The following TIAM1 variants were observed in gnomAD, a reference collection of about 807,000 sequenced individuals.
The protein encoded by TIAM1 is TIAM Rac1 associated GEF 1, also known as rho guanine nucleotide exchange factor TIAM1.
A neutral mutation model predicts 163.5 loss-of-function variants in TIAM1; 65 were observed. The observed-to-expected ratio is 0.40, with a 90% CI of 0.33 to 0.49. The LOEUF (loss-of-function observed/expected upper bound fraction) is 0.49. TIAM1 is among the 20% of genes least tolerant of loss of function. The probability of loss-of-function intolerance (pLI) is 0.77; values close to 1 mark genes in which losing one functional copy is unlikely to be tolerated. For synonymous variants in TIAM1, 833 were observed against 810.1 expected (o/e 1.03, Z -0.48); for missense variants, 1,789 against 2,044.7 (o/e 0.87, Z 2.41).
intron 15 of TIAM1, among the ~76,000 whole-genome samples, chr21:31,172,375 A>G (rs2084555198): frequency 1.3e-5 from 2 of 152,190 alleles, no homozygotes; most frequent in Non-Finnish European, 2.9e-5. Context: ...GCTACTCACA[A>G]TAGTAGTAGG....
At chr21:31,223,202 GC>G (rs546879140) in intron 8 of TIAM1, among the ~76,000 whole-genome samples, 13 of 146,510 alleles carry the variant, frequency 8.9e-5, no homozygotes, top group Non-Finnish European at 1.8e-4. Flanking sequence ...AATAGCTTAG[GC>G]CCCCCCATCA....
upstream of TIAM1, among the ~76,000 whole-genome samples, chr21:31,347,088 T>C (rs2076160695): frequency 6.6e-6 from 1 of 152,150 alleles, no homozygotes; most frequent in Admixed American, 6.5e-5. Flanking sequence ...TTAAACCAAA[T>C]AGTCCCCACC....
chr21:31,130,563 G>GA (rs1436374716), intron 24 of TIAM1, among the ~76,000 whole-genome samples: 1 of 152,100 alleles, frequency 6.6e-6, no homozygotes, highest in Non-Finnish European at 1.5e-5. Flanking sequence ...GAGAAGAGGA[G>GA]AAAAAGGATC....
At position 31,395,349 on chromosome 21, in the gene TIAM1, C is replaced by T. The variant is rs1039037042; in HGVS notation, c.-368-55927G>A. 1.3e-5 allele frequency among the ~76,000 whole-genome samples: 2 copies of T among 151,268 alleles called. No homozygotes were observed. The highest frequency in any genetic ancestry group is 4.8e-5 in the African/African-American group (2 of 41,326). ...TAGAGAAGTGACAAATGGCCCCACACACAGATCACTGCTTGCCTCCAGAGA... is the reference window on the plus strand; with the variant it reads ...TAGAGAAGTGACAAATGGCCCCACATACAGATCACTGCTTGCCTCCAGAGA... On this transcript the variant is annotated intron_variant, in intron 2 of 28. Transcript: ENST00000286827. This position sits in a 1 kb window ranked among gnomAD's most constrained non-coding sequence, Gnocchi z 7.5.
At chr21:31,356,604 C>T (rs944109658) in intron 2 of TIAM1, among the ~76,000 whole-genome samples, 8 of 152,224 alleles carry the variant, frequency 5.3e-5, no homozygotes, top group African/African-American at 1.9e-4. Context: ...TGTGTAAGGA[C>T]ATAGCCACAA....
At chr21:31,485,621 G>T (rs1237289934) in intron 1 of TIAM1, among the ~76,000 whole-genome samples, 1 of 152,056 alleles carries the variant, frequency 6.6e-6, no homozygotes, top group Non-Finnish European at 1.5e-5. Context: ...ACCTCAATAA[G>T]CTCTCACATC....
At position 31,141,334 on chromosome 21, in the gene TIAM1, G is replaced by A; in HGVS notation, c.3646C>T (p.His1216Tyr). ...LTDAESEEHY[H>Y]LDVAIKTMNK... is the part of the protein sequence containing the mutation. ...CCAGGCCGAGGCCTACCGTCCAGGT[G>A]GTAGTGCTCCTCGCTCTCCGCATCG... The change falls in exon 21 of 28, where the codon CAC becomes TAC. Residue 1216 changes from histidine to tyrosine, a missense_variant. Around this residue, in one of 5 missense-constraint regions of TIAM1, gnomAD observed 60 missense variants for 132.6 expected, o/e 0.45. Coordinates refer to ENST00000541036, the MANE Select transcript of TIAM1 (RefSeq NM_001353694.2). The surrounding 1 kb of genome is among the most constrained non-coding windows in gnomAD (Gnocchi z 4.7). The A allele has an allele frequency of 6.2e-7, 1 of 1,614,138 alleles. No homozygotes were observed. The highest frequency in any genetic ancestry group is 8.5e-7 in the Non-Finnish European group (1 of 1,180,006).
rs563558988 is a variant in TIAM1, at chr21:31,494,106, G to A, written c.-421-30071C>T. 3.9e-5 allele frequency among the ~76,000 whole-genome samples: 6 copies of A among 152,224 alleles called. No individual in the cohort carries two copies. In the South Asian group the frequency reaches 1.2e-3, roughly 32 times the overall value. On this transcript the variant is annotated intron_variant, in intron 1 of 28. Transcript: ENST00000286827. Reference sequence around the variant, plus strand: ...ATTTTTGTATTTTTATAGAGACAGGGTTTTGCCATGTTAGCCAGGCTGGTC... The same window carrying A: ...ATTTTTGTATTTTTATAGAGACAGGATTTTGCCATGTTAGCCAGGCTGGTC...
Position 31,362,141 on chromosome 21 carries a change from C to T in TIAM1, c.-368-22719G>A, listed in dbSNP as rs147916812. The stretch of plus-strand genomic sequence containing the variant: ...TGCCACTGTACTACAGCTTGGGTGA[C>T]GGAGCTGTCACCCTATCCCTTTTAA... On this transcript the variant is annotated intron_variant, in intron 2 of 28. Coordinates refer to the TIAM1 transcript ENST00000286827. 3.9e-3 allele frequency among the ~76,000 whole-genome samples: 593 copies of T among 151,728 alleles called. 10 individuals are homozygous for T. The South Asian group carries it at 0.044, about 11-fold the overall frequency.
intron 12 of TIAM1, among the ~76,000 whole-genome samples, chr21:31,196,782 C>G (rs2085880540): frequency 6.6e-6 from 1 of 152,138 alleles, no homozygotes; most frequent in Non-Finnish European, 1.5e-5. Flanking sequence ...ACCAAAAAGA[C>G]ACGTGCACTG....
chr21:31,344,815 A>C (rs555597754), upstream of TIAM1, among the ~76,000 whole-genome samples: 1 of 152,382 alleles, frequency 6.6e-6, no homozygotes, highest in East Asian at 1.9e-4. Context: ...TAGCATAAAA[A>C]AATTAAAATT....
intron 13 of TIAM1, 58 bp downstream of exon 13, chr21:31,195,166 G>T: frequency 1.5e-6 from 2 of 1,377,856 alleles, no homozygotes; most frequent in Non-Finnish European, 2.1e-6. Context: ...GTAAATAAAT[G>T]CATGCTTACA....
In TIAM1 at chr21:31,314,627, T is replaced by TG. The variant is rs1447881112; in HGVS notation, c.-189+24615_-189+24616insC. 3.3e-5 allele frequency among the ~76,000 whole-genome samples: 5 copies of TG among 152,272 alleles called. No individual in the cohort carries two copies. The East Asian group carries it at 9.6e-4, about 29-fold the overall frequency. Reference sequence around the variant, plus strand: ...CTATTCCAATATATTTTTTTAGAAATATTGGCTGCAAACCACTAAAATTAT... The same window carrying TG: ...CTATTCCAATATATTTTTTTAGAAATGATTGGCTGCAAACCACTAAAATTAT... On this transcript the variant is annotated intron_variant, in intron 2 of 27. Transcript: ENST00000541036.
intron 2 of TIAM1, among the ~76,000 whole-genome samples, chr21:31,336,341 C>T (rs1450573128): frequency 2.0e-5 from 3 of 152,106 alleles, no homozygotes; most frequent in African/African-American, 7.2e-5. Context: ...GCTTAAACTC[C>T]CTCCGGGGGG....
In TIAM1 at chr21:31,245,651, A is replaced by T; in HGVS notation, c.1421T>A (p.Leu474Gln). The T allele has an allele frequency of 6.3e-7, 1 of 1,578,258 alleles. No individual in the cohort carries two copies. The highest frequency in any genetic ancestry group is 1.2e-5 in the South Asian group (1 of 84,988). Reference protein sequence around the residue: ...HYWVSLKGCTLFFYESDGRSG... With the variant: ...HYWVSLKGCTQFFYESDGRSG... Reference sequence around the variant, plus strand: ...CCTGCCGTCGCTCTCGTAGAAAAATAGCGTGCATCCTGAGGAAACAGAACA... The same window carrying T: ...CCTGCCGTCGCTCTCGTAGAAAAATTGCGTGCATCCTGAGGAAACAGAACA... The change falls in exon 6 of 28, where the codon CTA becomes CAA. Residue 474 changes from leucine (L) to glutamine (Q), a missense_variant. This residue lies in a region of TIAM1 where 456 missense variants were observed against 586.6 expected (regional missense o/e 0.78). Transcript: ENST00000541036.
At chr21:31,349,822 G>A (rs1250173846) in intron 2 of TIAM1, among the ~76,000 whole-genome samples, 1 of 152,164 alleles carries the variant, frequency 6.6e-6, no homozygotes, top group African/African-American at 2.4e-5. Flanking sequence ...GAGTAACTCA[G>A]AGCAAGTCCC....
intron 2 of TIAM1, chr21:31,452,926 A>G: frequency 1.9e-6 from 1 of 514,844 alleles, no homozygotes; most frequent in Non-Finnish European, 3.9e-6. Context: ...ATTGGGAGAA[A>G]CAAAGTGGAA....
chr21:31,493,120 T>C (rs1363226251), intron 1 of TIAM1, among the ~76,000 whole-genome samples: 2 of 152,186 alleles, frequency 1.3e-5, no homozygotes, highest in African/African-American at 4.8e-5. Flanking sequence ...CTGCGTAATC[T>C]GAGGGCCAAC....
chr21:31,449,788 A>G (rs1020774222), intron 2 of TIAM1, among the ~76,000 whole-genome samples: 1 of 152,184 alleles, frequency 6.6e-6, no homozygotes, highest in African/African-American at 2.4e-5. Flanking sequence ...TTTTCTTTCT[A>G]TCCAGGGTAG....
Sources: gnomAD v4.1 joint callset for allele counts (sites outside exome capture counted in the v4.1 genomes callset) on GRCh38, gnomAD v4.1.1 for gene constraint, gnomAD v4.1.1 regional missense constraint, Gnocchi (gnomAD v3.1) non-coding constraint, MANE v1.5 for transcripts, NCBI Gene and HGNC (gene_info 2026-07-23, HGNC 2026-07-21) for gene names.